PLCE1: variants seen among roughly 807,000 people sequenced by gnomAD.
PLCE1 encodes 1-phosphatidylinositol 4,5-bisphosphate phosphodiesterase epsilon-1.
Under a neutral mutation model 242.8 loss-of-function variants are expected in PLCE1, and 119 were observed. That is an observed-to-expected ratio of 0.49 (90% CI 0.42 to 0.57). PLCE1 has a LOEUF of 0.57. PLCE1 is among the 20% of genes least tolerant of loss of function. PLCE1 has a pLI of 0.00. For synonymous variants in PLCE1, 945 were observed against 1,017.4 expected (o/e 0.93, Z 1.35); for missense variants, 2,441 against 2,788.8 (o/e 0.88, Z 2.81).
chr10:94,261,586 C>A (rs952192331), intron 13 of PLCE1, among the ~76,000 whole-genome samples: 1 of 152,070 alleles, frequency 6.6e-6, no homozygotes, highest in Non-Finnish European at 1.5e-5. Context: ...AGACTGTCTT[C>A]CAAAGTGGCT....
intron 4 of PLCE1, among the ~76,000 whole-genome samples, chr10:94,172,802 G>C (rs1204150842): frequency 6.6e-6 from 1 of 152,140 alleles, no homozygotes; most frequent in Non-Finnish European, 1.5e-5. Context: ...ACTCCAGCCT[G>C]GGTGACAGAG....
At chr10:94,159,277 T>C (rs1237667589) in intron 3 of PLCE1, among the ~76,000 whole-genome samples, 2 of 152,222 alleles carry the variant, frequency 1.3e-5, no homozygotes, top group African/African-American at 2.4e-5. Context: ...GACACATTTG[T>C]TGCAAGACGG....
chr10:94,024,537 C>G (rs1038138537), intron 1 of PLCE1, among the ~76,000 whole-genome samples: 3 of 152,058 alleles, frequency 2.0e-5, no homozygotes, highest in Middle Eastern at 3.2e-3. Flanking sequence ...CTATAAAGTC[C>G]TAGCTCAAAT....
At chr10:94,224,029 A>T (rs1431518559) in intron 4 of PLCE1, among the ~76,000 whole-genome samples, 1 of 152,092 alleles carries the variant, frequency 6.6e-6, no homozygotes, top group East Asian at 1.9e-4. Context: ...TTTAATGCTT[A>T]TAAAATTATG....
At chr10:94,179,511 A>ATTTTTTTTTTTTTTTTT (rs1564761610) in intron 4 of PLCE1, among the ~76,000 whole-genome samples, 4 of 12,422 alleles carry the variant, frequency 3.2e-4, no homozygotes, top group African/African-American at 1.0e-3. Context: ...ATTTTAGTTT[A>ATTTTTTTTTTTTTTTTT]GTTTTTTTTT....
chr10:94,234,440 C>A, intron 6 of PLCE1, 128 bp downstream of exon 6: 1 of 1,011,750 alleles, frequency 9.9e-7, no homozygotes, highest in Non-Finnish European at 1.5e-6. Flanking sequence ...TATATTATTT[C>A]TGGGTAGCAC....
At chr10:94,245,472 G>C (rs1026077320) in intron 7 of PLCE1, among the ~76,000 whole-genome samples, 121 of 151,892 alleles carry the variant, frequency 8.0e-4, no homozygotes, top group African/African-American at 2.8e-3. Flanking sequence ...CAGTTATAAA[G>C]AATATTAGAA....
chr10:94,180,301 C>T (rs1564762618), intron 4 of PLCE1, among the ~76,000 whole-genome samples: 1 of 152,148 alleles, frequency 6.6e-6, no homozygotes, highest in East Asian at 1.9e-4. Context: ...TATGTGCTGA[C>T]TTCCTGATAT....
At chr10:94,149,017 C>T (rs1027399265) in intron 3 of PLCE1, among the ~76,000 whole-genome samples, 1 of 152,160 alleles carries the variant, frequency 6.6e-6, no homozygotes, top group African/African-American at 2.4e-5. Flanking sequence ...CTGTTCATTC[C>T]ACTCTACCTT....
intron 2 of PLCE1, among the ~76,000 whole-genome samples, chr10:94,102,911 C>A (rs911642203): frequency 2.0e-5 from 3 of 152,142 alleles, no homozygotes; most frequent in African/African-American, 7.2e-5. Flanking sequence ...ACCACTCAGG[C>A]ATAGTTTAAA....
Position 94,330,689 on chromosome 10 carries a change from C to T in PLCE1, c.*2746C>T. On this transcript the variant is annotated 3_prime_UTR_variant, in exon 33 of 33. Coordinates refer to ENST00000371380, the MANE Select transcript of PLCE1 (RefSeq NM_016341.4). Reference sequence around the variant, plus strand: ...CCTGGGTACAAGAGTGAGACTCCATCTCAAAAAAAAAAAAAAAAAGTAAAG... The same window carrying T: ...CCTGGGTACAAGAGTGAGACTCCATTTCAAAAAAAAAAAAAAAAAGTAAAG... The T allele has an allele frequency of 7.3e-6, 1 of 137,088 alleles. No individual in the cohort carries two copies. The highest frequency in any genetic ancestry group is 2.2e-4 in the South Asian group (1 of 4,480). The allele number at this position is 137,088 out of a possible 1,614,324, so 8.5% of individuals were successfully genotyped here. A position where few individuals can be genotyped will look rare whatever the true frequency, so the allele number is the denominator to read the frequency against.
chr10:94,331,032 T>C lies in PLCE1; in HGVS notation c.*3089T>C, dbSNP rs941774379. 1.1e-4 allele frequency: 16 copies of C among 152,346 alleles called. No homozygotes were observed. The highest frequency in any genetic ancestry group is 2.6e-4 in the African/African-American group (11 of 41,594). 9.4% of individuals were successfully genotyped at this position (152,346 alleles called of 1,614,324 possible). A position where few individuals can be genotyped will look rare whatever the true frequency, so the allele number is the denominator to read the frequency against. ...TGAATTCTGTCACTCTATTCAGTGA[T>C]GCCAAATCTGTAGGAATGATCCTAT... On this transcript the variant is annotated 3_prime_UTR_variant, in exon 33 of 33. Transcript: ENST00000371380.
intron 2 of PLCE1, among the ~76,000 whole-genome samples, chr10:94,042,287 A>T (rs976880209): frequency 5.3e-5 from 8 of 152,152 alleles, no homozygotes; most frequent in African/African-American, 1.9e-4. Context: ...GTAAGATGGT[A>T]AGTACTGGCT....
intron 9 of PLCE1, 65 bp downstream of exon 9, chr10:94,252,563 AC>A: frequency 7.5e-7 from 1 of 1,341,538 alleles, no homozygotes; most frequent in Non-Finnish European, 1.0e-6. Flanking sequence ...GGTGAACATC[AC>A]CATAAAACAC....
chr10:94,138,035 C>A, intron 3 of PLCE1: 2 of 377,308 alleles, frequency 5.3e-6, no homozygotes, highest in Non-Finnish European at 1.1e-5. Flanking sequence ...TGAGGACTGT[C>A]CAGTATTTCA....
At position 94,031,409 on chromosome 10, in the gene PLCE1, A is replaced by G. The variant is rs1437466550; in HGVS notation, c.363A>G (p.Gln121=). 1 of 1,613,844 alleles carries G rather than the reference A, an allele frequency of 6.2e-7. No homozygotes were observed. Among genetic ancestry groups the G allele is most frequent in the Non-Finnish European group, 8.5e-7 (1 of 1,179,860 alleles). ...ATCAGCATGGCCTTCCTCAGAGACA[A>G]TTTTATGAAATGTACAACTCTGTTG... ...RNHQHGLPQR[Q]FYEMYNSVAE... Residue 121 remains glutamine (Q), a synonymous_variant, in exon 2 of 33, where the codon CAA becomes CAG. Transcript: ENST00000371380.
intron 1 of PLCE1, among the ~76,000 whole-genome samples, chr10:93,999,735 G>C (rs1474652520): frequency 8.1e-6 from 1 of 124,218 alleles, no homozygotes; most frequent in Non-Finnish European, 1.6e-5. Flanking sequence ...TGGCCCCAGC[G>C]CCCTGTTGGC....
At chr10:94,269,124 C>T (rs563906003) in intron 17 of PLCE1, 88 bp downstream of exon 17, 17 of 590,694 alleles carry the variant, frequency 2.9e-5, no homozygotes, top group South Asian at 1.3e-4. Context: ...TTTTTTGAGA[C>T]GGGTTCTCGC....
chr10:94,185,685 G>C (rs2048455915), intron 4 of PLCE1, among the ~76,000 whole-genome samples: 1 of 152,178 alleles, frequency 6.6e-6, no homozygotes, highest in Non-Finnish European at 1.5e-5. Flanking sequence ...TCAAGTACAG[G>C]ATAGGTTCTC....
Sources: allele counts gnomAD v4.1 joint callset (sites outside exome capture counted in the v4.1 genomes callset), GRCh38; gene constraint gnomAD v4.1.1; transcripts MANE v1.5; gene names NCBI Gene and HGNC (gene_info 2026-07-23, HGNC 2026-07-21).